Variants in POLR2B observed in about 807,000 individuals in gnomAD.
The protein encoded by POLR2B is RNA polymerase II subunit B.
POLR2B carries 57 observed loss-of-function variants against 144.6 expected under a neutral mutation model. The ratio of observed to expected loss-of-function variants is 0.39; its 90% CI spans 0.32 to 0.49. POLR2B has a LOEUF of 0.49. Among genes scored for constraint, POLR2B ranks in the 20% least tolerant of loss-of-function variants. POLR2B has a pLI of 0.83. For missense variants in POLR2B, 595 were observed against 1,467.4 expected, an observed-to-expected ratio of 0.41 and a Z score of 9.71; for synonymous variants, 442 against 469.8, an observed-to-expected ratio of 0.94 and a Z score of 0.77.
At chr4:57,016,906 AT>A in intron 14 of POLR2B, 136 bp from the exon 15 acceptor site, 1 of 243,362 alleles carries the variant, frequency 4.1e-6, no homozygotes, top group African/African-American at 2.3e-5. Context: ...TAAACTATAT[AT>A]ATATATAAAT....
chr4:57,024,377 C>T (rs1405333497), intron 21 of POLR2B, among the ~76,000 whole-genome samples: 3 of 152,084 alleles, frequency 2.0e-5, no homozygotes, highest in African/African-American at 7.2e-5. Context: ...TGTAGATGAA[C>T]AGTTAATTTG....
chr4:57,004,881 C>T lies in POLR2B; in HGVS notation c.901-365C>T, dbSNP rs545759548. On this transcript the variant is annotated intron_variant, in intron 7 of 24. Coordinates refer to ENST00000314595, the MANE Select transcript of POLR2B (RefSeq NM_000938.3). Reference sequence around the variant, plus strand: ...GTATTTTTAGTAGAGATGGGGGTTTCGCCATGTTGCCTAGACTAGTTGCAA... The same window carrying T: ...GTATTTTTAGTAGAGATGGGGGTTTTGCCATGTTGCCTAGACTAGTTGCAA... Among the ~76,000 whole-genome samples the T allele has an allele frequency of 7.2e-5, 11 of 152,182 alleles. No homozygotes were observed. The South Asian group carries it at 1.9e-3, about 26-fold the overall frequency.
chr4:56,986,421 A>G lies in POLR2B; in HGVS notation c.87A>G (p.Val29=), dbSNP rs1722335194. 1.9e-6 allele frequency: 3 copies of G among 1,607,998 alleles called. No individual in the cohort carries two copies. The highest frequency in any genetic ancestry group is 2.6e-6 in the Non-Finnish European group (3 of 1,174,548). The change falls in exon 2 of 25, where the codon GTA becomes GTG. Residue 29 remains valine, a synonymous_variant. Transcript: ENST00000314595. The part of the protein sequence containing the change: ...PDLWQEACWI[V]ISSYFDEKGL... ...TGTGGCAAGAAGCATGCTGGATTGT[A>G]ATCAGGTAACTTTGGACCAAACTGA...
rs1560484638 is a variant in POLR2B, at chr4:57,023,633, T to G, written c.2767-29T>G. 1 of 1,610,602 alleles carries G rather than the reference T, an allele frequency of 6.2e-7. No individual in the cohort carries two copies. The highest frequency in any genetic ancestry group is 8.5e-7 in the Non-Finnish European group (1 of 1,177,628). ...GTTTTAGAAAGTAAACCAAATCCACTTAACTAACTTATTTTTATATGAATT... is the reference window on the plus strand; with the variant it reads ...GTTTTAGAAAGTAAACCAAATCCACGTAACTAACTTATTTTTATATGAATT... On this transcript the variant is annotated intron_variant, in intron 19 of 24. Transcript: ENST00000314595. The surrounding 1 kb of genome is among the most constrained non-coding windows in gnomAD (Gnocchi z 4.3).
chr4:56,982,473 G>C (rs570210962), intron 1 of POLR2B, among the ~76,000 whole-genome samples: 2 of 152,174 alleles, frequency 1.3e-5, no homozygotes, highest in African/African-American at 4.8e-5. Flanking sequence ...TCGGGATACT[G>C]AGGTGGGAGG....
chr4:57,028,756 T>C (rs1403781137), intron 23 of POLR2B, among the ~76,000 whole-genome samples: 1 of 149,664 alleles, frequency 6.7e-6, no homozygotes, highest in African/African-American at 2.6e-5. Context: ...AACCACACTC[T>C]GAGAACCTCT....
intron 16 of POLR2B, among the ~76,000 whole-genome samples, chr4:57,019,335 G>T (rs1160965565): frequency 6.6e-6 from 1 of 151,950 alleles, no homozygotes; most frequent in Non-Finnish European, 1.5e-5. Flanking sequence ...CTGCAGTTCT[G>T]TTATTCCTGA....
At chr4:57,029,937 G>A (rs1723857225) in intron 23 of POLR2B, among the ~76,000 whole-genome samples, 1 of 152,008 alleles carries the variant, frequency 6.6e-6, no homozygotes, top group Non-Finnish European at 1.5e-5. Flanking sequence ...CCAGGCTCCT[G>A]AGCTCAAGAG....
At chr4:56,989,545 C>G (rs1722448020) in intron 2 of POLR2B, among the ~76,000 whole-genome samples, 2 of 152,162 alleles carry the variant, frequency 1.3e-5, no homozygotes, top group Admixed American at 1.3e-4. Flanking sequence ...GCGAGGTGAC[C>G]TGATGAAGCC....
In POLR2B at chr4:57,017,050, G is replaced by T; in HGVS notation, c.1963G>T (p.Asp655Tyr). The T allele has an allele frequency of 6.4e-7, 1 of 1,565,706 alleles. No homozygotes were observed. Among genetic ancestry groups the T allele is most frequent in the Non-Finnish European group, 8.7e-7 (1 of 1,154,046 alleles). Reference protein sequence around the residue: ...EREYNNYSWQDLVASGVVEYI... With the variant: ...EREYNNYSWQYLVASGVVEYI... ...GAGTGAATTCTTTTTTAGTTGGCAG[G>T]ATCTTGTGGCCAGTGGGGTAGTGGA... Residue 655 changes from aspartate (D) to tyrosine (Y), a missense_variant, in exon 15 of 25, where the codon GAT becomes TAT. Coordinates refer to ENST00000314595, the MANE Select transcript of POLR2B (RefSeq NM_000938.3). This position sits in a 1 kb window ranked among gnomAD's most constrained non-coding sequence, Gnocchi z 4.8.
intron 23 of POLR2B, among the ~76,000 whole-genome samples, chr4:57,028,026 C>CAAAA (rs1483539824): frequency 6.6e-6 from 1 of 152,192 alleles, no homozygotes; most frequent in Non-Finnish European, 1.5e-5. Flanking sequence ...TTATTTTCCT[C>CAAAA]AAAGACTTAC....
chr4:57,013,547 CTT>C (rs11331449), intron 13 of POLR2B, among the ~76,000 whole-genome samples: 1 of 144,904 alleles, frequency 6.9e-6, no homozygotes, highest in Non-Finnish European at 1.5e-5. Flanking sequence ...ATTTTTTTTT[CTT>C]TTTTTTTTGA....
intron 23 of POLR2B, among the ~76,000 whole-genome samples, chr4:57,026,791 T>C (rs1300658533): frequency 6.6e-6 from 1 of 152,008 alleles, no homozygotes; most frequent in African/African-American, 2.4e-5. Context: ...CAAAAAACCA[T>C]GTTTAATGAA....
intron 16 of POLR2B, among the ~76,000 whole-genome samples, chr4:57,019,395 A>G (rs971925561): frequency 6.6e-6 from 1 of 151,582 alleles, no homozygotes; most frequent in African/African-American, 2.4e-5. Context: ...TTGTAGAGAT[A>G]GGGTCTACTT....
At chr4:57,015,452 A>G (rs759950054) in intron 13 of POLR2B, 50 bp from the exon 14 acceptor site, 17 of 1,025,138 alleles carry the variant, frequency 1.7e-5, no homozygotes. Context: ...AAGCCTAATA[A>G]TAAAGAGAAA....
chr4:56,983,216 T>C (rs183334234), intron 1 of POLR2B, among the ~76,000 whole-genome samples: 1 of 152,352 alleles, frequency 6.6e-6, no homozygotes, highest in African/African-American at 2.4e-5. Flanking sequence ...ATTGGCCTTC[T>C]ATCATTCTTT....
At chr4:56,998,616 C>T (rs1409887587) in intron 6 of POLR2B, among the ~76,000 whole-genome samples, 1 of 152,144 alleles carries the variant, frequency 6.6e-6, no homozygotes, top group African/African-American at 2.4e-5. Context: ...CCTTGGCCTC[C>T]CAAAGTGCCG....
intron 7 of POLR2B, among the ~76,000 whole-genome samples, chr4:57,002,488 T>A (rs1578571600): frequency 6.6e-6 from 1 of 152,364 alleles, no homozygotes; most frequent in East Asian, 1.9e-4. Flanking sequence ...CTTTATTTTT[T>A]TTCTTCCAAA....
At chr4:57,029,361 A>C (rs1723834553) in intron 23 of POLR2B, among the ~76,000 whole-genome samples, 1 of 152,172 alleles carries the variant, frequency 6.6e-6, no homozygotes, top group Admixed American at 6.6e-5. Context: ...TCTTATAGTA[A>C]GGGCAGGAAT....
Sources: gnomAD v4.1 joint callset for allele counts (sites outside exome capture counted in the v4.1 genomes callset) on GRCh38, gnomAD v4.1.1 for gene constraint, Gnocchi (gnomAD v3.1) non-coding constraint, MANE v1.5 for transcripts, NCBI Gene and HGNC (gene_info 2026-07-23, HGNC 2026-07-21) for gene names.